THSD7B: variants seen among roughly 807,000 people sequenced by gnomAD.
THSD7B encodes the protein thrombospondin type 1 domain containing 7B, also known as thrombospondin type-1 domain-containing protein 7B.
Under a neutral mutation model 213.6 loss-of-function variants are expected in THSD7B, and 138 were observed. That is an observed-to-expected ratio of 0.65 (90% confidence interval 0.56 to 0.74). The LOEUF is 0.74. Among genes scored for constraint, THSD7B ranks in the 30% least tolerant of loss-of-function variants. The pLI is 0.00. For synonymous variants in THSD7B, 742 were observed against 687.0 expected, an observed-to-expected ratio of 1.08 and a Z score of -1.25; for missense variants, 1,931 against 1,991.5, an observed-to-expected ratio of 0.97 and a Z score of 0.58.
intron 1 of THSD7B, among the ~76,000 whole-genome samples, chr2:136,797,351 C>A (rs1358385817): frequency 6.6e-6 from 1 of 151,878 alleles, no homozygotes; most frequent in East Asian, 1.9e-4. Context: ...ATTAAATAAC[C>A]CTTCCATGTT....
chr2:137,232,925 G>C lies in THSD7B; in HGVS notation c.1942G>C (p.Ala648Pro), dbSNP rs757553692. The C allele has an allele frequency of 3.4e-5, 55 of 1,613,780 alleles. No individual in the cohort carries two copies. The highest frequency in any genetic ancestry group is 2.2e-5 in the East Asian group (1 of 44,884). ...EGGKPCPPSQ[A>P]LQEHRLCNDH... ...TGGAAAGCCATGTCCCCCTAGTCAG[G>C]CTCTCCAAGAGCATCGTTTGTGTAA... is the stretch of plus-strand genomic sequence containing the variant. Residue 648 changes from alanine (A) to proline (P), a missense_variant, in exon 9 of 28, where the codon GCT becomes CCT. Transcript: ENST00000409968.
At chr2:136,936,872 A>G (rs1024623550) in intron 2 of THSD7B, among the ~76,000 whole-genome samples, 1 of 152,110 alleles carries the variant, frequency 6.6e-6, no homozygotes, top group African/African-American at 2.4e-5. Context: ...CCTCAACTAC[A>G]TCTTCCTAAA....
intron 7 of THSD7B, among the ~76,000 whole-genome samples, chr2:137,173,711 G>T (rs887622115): frequency 6.6e-6 from 1 of 152,192 alleles, no homozygotes; most frequent in Non-Finnish European, 1.5e-5. Context: ...AGTGGCTGAA[G>T]CTGTCTTTTG....
chr2:137,491,845 A>C (rs531277835), intron 15 of THSD7B, among the ~76,000 whole-genome samples: 1 of 152,222 alleles, frequency 6.6e-6, no homozygotes, highest in African/African-American at 2.4e-5. Flanking sequence ...AATTGTTCCT[A>C]GTTTAGTGTA....
At chr2:136,873,021 T>TAAA (rs1553454610) in intron 1 of THSD7B, among the ~76,000 whole-genome samples, 5,082 of 43,538 alleles carry the variant, frequency 0.12, 427 homozygotes, top group East Asian at 0.16. Flanking sequence ...AGACTCCATC[T>TAAA]AAAAAAAAAA....
chr2:137,022,549 T>C (rs1686465628), intron 2 of THSD7B, among the ~76,000 whole-genome samples: 1 of 152,126 alleles, frequency 6.6e-6, no homozygotes, highest in African/African-American at 2.4e-5. Context: ...AATCTTCGTT[T>C]TTTTTTTATA....
intron 10 of THSD7B, among the ~76,000 whole-genome samples, chr2:137,271,410 T>TA (rs1682731880): frequency 1.7e-4 from 24 of 141,124 alleles, no homozygotes; most frequent in African/African-American, 3.7e-4. Flanking sequence ...TATATATGAA[T>TA]TATAATATAT....
At chr2:137,315,183 A>C (rs1448346131) in intron 12 of THSD7B, among the ~76,000 whole-genome samples, 1 of 152,202 alleles carries the variant, frequency 6.6e-6, no homozygotes, top group African/African-American at 2.4e-5. Flanking sequence ...GGACCCTCCA[A>C]GCCAGGTGCG....
At chr2:137,538,275 A>G (rs936862883) in intron 15 of THSD7B, among the ~76,000 whole-genome samples, 3 of 151,626 alleles carry the variant, frequency 2.0e-5, no homozygotes, top group African/African-American at 7.3e-5. Flanking sequence ...CCACACAATC[A>G]TATGTTTAAT....
chr2:137,616,466 T>G, intron 18 of THSD7B, 150 bp downstream of exon 18: 1 of 627,372 alleles, frequency 1.6e-6, no homozygotes, highest in South Asian at 2.8e-5. Flanking sequence ...GTTTCTAGTA[T>G]CCCCTCACAG....
chr2:136,768,867 A>G (rs1460312053), intron 1 of THSD7B, among the ~76,000 whole-genome samples: 1 of 152,244 alleles, frequency 6.6e-6, no homozygotes, highest in African/African-American at 2.4e-5. Context: ...AGCTTCCTAA[A>G]TATAACACAG....
chr2:137,073,280 G>A (rs1285993047), intron 3 of THSD7B, among the ~76,000 whole-genome samples: 1 of 152,100 alleles, frequency 6.6e-6, no homozygotes, highest in African/African-American at 2.4e-5. Flanking sequence ...CTCAATTTCA[G>A]AGCCTGTTAT....
chr2:137,099,026 A>G (rs1301901259), intron 4 of THSD7B, among the ~76,000 whole-genome samples: 2 of 152,224 alleles, frequency 1.3e-5, no homozygotes, highest in East Asian at 1.9e-4. Flanking sequence ...TATAGACCCC[A>G]GGAAACCTCT....
At position 137,008,739 on chromosome 2, in the gene THSD7B, C is replaced by G. The variant is rs182261491; in HGVS notation, c.140-47681C>G. Among the ~76,000 whole-genome samples the G allele has an allele frequency of 8.0e-4, 122 of 152,164 alleles. 2 individuals are homozygous for G. The highest frequency in any genetic ancestry group is 2.9e-3 in the African/African-American group (121 of 41,520). The stretch of plus-strand genomic sequence containing the variant: ...AACATTTTTATTTTACATAAATGTG[C>G]AGAGTATAATAAAAAAAATCACTTG... On this transcript the variant is annotated intron_variant, in intron 2 of 27. Coordinates refer to ENST00000409968, the MANE Select transcript of THSD7B (RefSeq NM_001316349.2).
At chr2:137,073,651 T>C (rs1188631165) in intron 3 of THSD7B, among the ~76,000 whole-genome samples, 10 of 152,196 alleles carry the variant, frequency 6.6e-5, no homozygotes, top group African/African-American at 2.4e-4. Context: ...TGCTCTTGCT[T>C]CTCTAGTTCT....
At chr2:137,091,346 A>G (rs1452367623) in intron 3 of THSD7B, among the ~76,000 whole-genome samples, 1 of 152,160 alleles carries the variant, frequency 6.6e-6, no homozygotes, top group Non-Finnish European at 1.5e-5. Context: ...GGCTTTCTTT[A>G]TGAAGGGAAA....
intron 1 of THSD7B, among the ~76,000 whole-genome samples, chr2:136,811,807 G>T (rs1032309157): frequency 6.6e-6 from 1 of 152,136 alleles, no homozygotes; most frequent in South Asian, 2.1e-4. Context: ...CAGCACAGGG[G>T]CCTCTTTTGC....
At chr2:137,626,793 CT>C (rs1682640217) in intron 20 of THSD7B, among the ~76,000 whole-genome samples, 1 of 152,190 alleles carries the variant, frequency 6.6e-6, no homozygotes, top group Non-Finnish European at 1.5e-5. Context: ...TTCCACAAAG[CT>C]GTAGGGGCAT....
At chr2:137,396,649 T>G (rs372005588) in intron 12 of THSD7B, among the ~76,000 whole-genome samples, 4,303 of 110,766 alleles carry the variant, frequency 0.039, 39 homozygotes, top group South Asian at 0.046. Context: ...TGTTGATTTG[T>G]GGTGGAGAGT....
Sources: allele counts gnomAD v4.1 joint callset (sites outside exome capture counted in the v4.1 genomes callset), GRCh38; gene constraint gnomAD v4.1.1; transcripts MANE v1.5; gene names NCBI Gene and HGNC (gene_info 2026-07-23, HGNC 2026-07-21).